Variants in PALS2 observed in about 807,000 individuals in gnomAD.
The protein encoded by PALS2 is protein PALS2.
Under a neutral mutation model 61.6 loss-of-function variants are expected in PALS2, and 27 were observed. The ratio of observed to expected loss-of-function variants is 0.44; its 90% CI spans 0.32 to 0.60. The LOEUF (loss-of-function observed/expected upper bound fraction) is 0.60, where lower values mean the gene tolerates loss of function less well. Among genes scored for constraint, PALS2 ranks in the 20% least tolerant of loss-of-function variants. The pLI is 0.05. For missense variants in PALS2, 554 were observed against 639.4 expected (o/e 0.87, Z 1.44); for synonymous variants, 236 against 218.6 (o/e 1.08, Z -0.70).
intron 11 of PALS2, among the ~76,000 whole-genome samples, chr7:24,686,857 A>G (rs776076236): frequency 2.6e-5 from 4 of 152,246 alleles, no homozygotes; most frequent in Non-Finnish European, 5.9e-5. Flanking sequence ...TCATTCCAAA[A>G]TGACTAAAAT....
intron 9 of PALS2, among the ~76,000 whole-genome samples, chr7:24,678,714 T>C (rs1787756345): frequency 6.6e-6 from 1 of 152,206 alleles, no homozygotes; most frequent in African/African-American, 2.4e-5. Flanking sequence ...AAGAACTTCA[T>C]TGAAGGCTCT....
intron 9 of PALS2, chr7:24,674,224 C>T (rs1214963566): frequency 2.0e-5 from 3 of 152,856 alleles, no homozygotes; most frequent in African/African-American, 7.2e-5. Context: ...AACGGGAACC[C>T]ATCTTTGTGA....
intron 1 of PALS2, among the ~76,000 whole-genome samples, chr7:24,579,288 A>C (rs1224337443): frequency 2.6e-5 from 4 of 152,258 alleles, no homozygotes; most frequent in African/African-American, 9.6e-5. Context: ...GCTATTAGTT[A>C]ACAGGGGCTT....
At chr7:24,586,024 G>C (rs1783052787) in intron 1 of PALS2, among the ~76,000 whole-genome samples, 1 of 152,070 alleles carries the variant, frequency 6.6e-6, no homozygotes, top group Non-Finnish European at 1.5e-5. Flanking sequence ...AATTTTCACT[G>C]AAAGCAAGTC....
chr7:24,649,859 A>G, intron 4 of PALS2, 95 bp downstream of exon 4: 1 of 1,204,796 alleles, frequency 8.3e-7, no homozygotes, highest in South Asian at 2.2e-5. Context: ...CCTTTTCATA[A>G]TGTTATGAAA....
intron 1 of PALS2, among the ~76,000 whole-genome samples, chr7:24,606,882 A>C (rs752813603): frequency 3.3e-5 from 5 of 152,204 alleles, no homozygotes; most frequent in Non-Finnish European, 7.3e-5. Context: ...CCCAAGTCTA[A>C]ACATAAAATT....
chr7:24,586,074 G>C (rs1054279818), intron 1 of PALS2, among the ~76,000 whole-genome samples: 14 of 152,068 alleles, frequency 9.2e-5, no homozygotes, highest in Non-Finnish European at 4.4e-5. Context: ...CAAATAAAAA[G>C]ATTATATAGT....
chr7:24,684,447 A>G (rs11769204), intron 11 of PALS2, among the ~76,000 whole-genome samples: 16,773 of 152,222 alleles, frequency 0.11, 1,544 homozygotes, highest in East Asian at 0.5. Context: ...TCTTTTTAAC[A>G]TGATTCTAGT....
At chr7:24,626,209 A>G (rs539154637) in intron 2 of PALS2, among the ~76,000 whole-genome samples, 43 of 152,190 alleles carry the variant, frequency 2.8e-4, no homozygotes, top group Non-Finnish European at 5.7e-4. Context: ...AGTATCTGAA[A>G]TTAGTTCACT....
At chr7:24,615,579 C>T (rs893620309) in intron 1 of PALS2, among the ~76,000 whole-genome samples, 3 of 151,584 alleles carry the variant, frequency 2.0e-5, no homozygotes, top group African/African-American at 4.8e-5. Flanking sequence ...ATGTATGATA[C>T]GACTGAATCA....
intron 9 of PALS2, among the ~76,000 whole-genome samples, chr7:24,669,862 T>G (rs762805459): frequency 1.3e-5 from 2 of 152,244 alleles, no homozygotes; most frequent in Non-Finnish European, 1.5e-5. Context: ...AACAAAAACT[T>G]CACTGTAATC....
chr7:24,585,271 G>T (rs918633077), intron 1 of PALS2, among the ~76,000 whole-genome samples: 1 of 151,588 alleles, frequency 6.6e-6, no homozygotes, highest in South Asian at 2.1e-4. Flanking sequence ...CCATTTTGAC[G>T]ATATTGATTC....
rs184726433 is a variant in PALS2, at chr7:24,613,123, A to G, written c.-2-10543A>G. On this transcript the variant is annotated intron_variant, in intron 1 of 11. Transcript: ENST00000222644. ...ATTTTTTAACTAAGTTTTGAAGTCT[A>G]TGTAGAAATTGGAAAGCTTTCAGTC... Among the ~76,000 whole-genome samples, 354 of 149,876 alleles carry G rather than the reference A, an allele frequency of 2.4e-3. 1 individual carries two copies. Among genetic ancestry groups the G allele is most frequent in the African/African-American group, 8.3e-3 (331 of 39,718 alleles).
intron 1 of PALS2, among the ~76,000 whole-genome samples, chr7:24,600,425 CT>C (rs1562606806): frequency 6.6e-6 from 1 of 152,060 alleles, no homozygotes; most frequent in Non-Finnish European, 1.5e-5. Context: ...TCATTTCCCC[CT>C]GAATCAAGGA....
intron 1 of PALS2, among the ~76,000 whole-genome samples, chr7:24,595,166 CAA>C (rs1362377506): frequency 1.3e-5 from 2 of 151,588 alleles, no homozygotes; most frequent in African/African-American, 2.4e-5. Context: ...AGATTTAAAT[CAA>C]AAGTTCTTCG....
intron 11 of PALS2, among the ~76,000 whole-genome samples, chr7:24,683,265 G>A (rs978927621): frequency 6.6e-5 from 10 of 152,272 alleles, no homozygotes; most frequent in Middle Eastern, 3.4e-3. Flanking sequence ...TCTGAGGTAC[G>A]ATTGATACAG....
At chr7:24,674,816 T>C (rs1416960363) in intron 9 of PALS2, among the ~76,000 whole-genome samples, 1 of 150,800 alleles carries the variant, frequency 6.6e-6, no homozygotes, top group Non-Finnish European at 1.5e-5. Context: ...AGATGGGCTA[T>C]GTTATGCATC....
intron 5 of PALS2, among the ~76,000 whole-genome samples, chr7:24,659,224 C>G (rs549282256): frequency 6.6e-6 from 1 of 152,156 alleles, no homozygotes; most frequent in East Asian, 1.9e-4. Context: ...GTATATGTAC[C>G]AAATTTTCTT....
chr7:24,621,181 C>G (rs1452548797), intron 1 of PALS2, among the ~76,000 whole-genome samples: 1 of 152,026 alleles, frequency 6.6e-6, no homozygotes, highest in Non-Finnish European at 1.5e-5. Flanking sequence ...TAATCCAATA[C>G]TTGTTTTCCT....
Sources: allele counts gnomAD v4.1 joint callset (sites outside exome capture counted in the v4.1 genomes callset), GRCh38; gene constraint gnomAD v4.1.1; transcripts MANE v1.5; gene names NCBI Gene and HGNC (gene_info 2026-07-23, HGNC 2026-07-21).